DOCK4: variants seen among roughly 807,000 people sequenced by gnomAD.
The protein encoded by DOCK4 is dedicator of cytokinesis protein 4.
DOCK4 carries 97 observed loss-of-function variants against 268.1 expected under a neutral mutation model. The ratio of observed to expected loss-of-function variants is 0.36; its 90% confidence interval spans 0.31 to 0.43. DOCK4 has a LOEUF of 0.43. Among genes scored for constraint, DOCK4 ranks in the 20% least tolerant of loss-of-function variants. DOCK4 has a pLI of 1.00. For synonymous variants in DOCK4, 954 were observed against 887.2 expected (o/e 1.08, Z -1.34); for missense variants, 2,145 against 2,455.7 (o/e 0.87, Z 2.67).
At chr7:111,956,074 T>C (rs965747048) in intron 8 of DOCK4, among the ~76,000 whole-genome samples, 4 of 152,190 alleles carry the variant, frequency 2.6e-5, no homozygotes, top group African/African-American at 7.2e-5. Flanking sequence ...AAAGCCTCTA[T>C]GTAGGCAGAA....
At chr7:111,952,513 C>A (rs547707761) in intron 8 of DOCK4, among the ~76,000 whole-genome samples, 1 of 152,324 alleles carries the variant, frequency 6.6e-6, no homozygotes, top group African/African-American at 2.4e-5. Context: ...ATTGTTCTAT[C>A]TTTCTGCATG....
intron 51 of DOCK4, among the ~76,000 whole-genome samples, chr7:111,733,319 AG>A (rs1795237220): frequency 6.6e-6 from 1 of 152,162 alleles, no homozygotes; most frequent in Non-Finnish European, 1.5e-5. Context: ...TTAACTTGGG[AG>A]GGGTAAGGTC....
In DOCK4 at chr7:112,060,412, G is replaced by T. The variant is rs186525617; in HGVS notation, c.38-56281C>A. ...TAAAGTTCTCTAAAAATAGTATAATGGTTCCTCAAAAAATTAAAAATGGAA... is the reference window on the plus strand; with the variant it reads ...TAAAGTTCTCTAAAAATAGTATAATTGTTCCTCAAAAAATTAAAAATGGAA... On this transcript the variant is annotated intron_variant, in intron 1 of 52. Transcript: ENST00000428084. Among the ~76,000 whole-genome samples the T allele has an allele frequency of 2.7e-3, 416 of 152,182 alleles. 1 individual carries two copies. The highest frequency in any genetic ancestry group is 4.7e-3 in the Non-Finnish European group (322 of 68,006).
At chr7:111,959,637 A>C (rs1796710673) in intron 8 of DOCK4, among the ~76,000 whole-genome samples, 1 of 152,202 alleles carries the variant, frequency 6.6e-6, no homozygotes, top group Admixed American at 6.5e-5. Context: ...AATTCTCCCT[A>C]ACAGTTCTTT....
rs1054184690 is a variant in DOCK4 at position 111,728,243 on chromosome 7, A to G, written c.*31T>C. 4 of 1,431,816 alleles carry G rather than the reference A, an allele frequency of 2.8e-6. No homozygotes were observed. In the African/African-American group the frequency reaches 5.8e-5, roughly 21 times the overall value. 88.7% of individuals were successfully genotyped at this position (1,431,816 alleles called of 1,614,324 possible). A position where few individuals can be genotyped will look rare whatever the true frequency, so the allele number is the denominator to read the frequency against. ...TACTTCTTATTTTGTAAACGGGCAA[A>G]GAATGCATCGCAGGTACATAGAAAA... On this transcript the variant is annotated 3_prime_UTR_variant, in exon 53 of 53. Transcript: ENST00000428084.
intron 10 of DOCK4, among the ~76,000 whole-genome samples, chr7:111,944,057 T>C (rs1307266914): frequency 6.6e-6 from 1 of 152,206 alleles, no homozygotes; most frequent in African/African-American, 2.4e-5. Flanking sequence ...GTTACACCAG[T>C]CCTCATTTCA....
chr7:111,889,951 A>C (rs1808156942), intron 16 of DOCK4, among the ~76,000 whole-genome samples: 1 of 152,180 alleles, frequency 6.6e-6, no homozygotes, highest in Non-Finnish European at 1.5e-5. Context: ...GTTCTTGACA[A>C]TCAACAGTGA....
Position 112,095,560 on chromosome 7 carries a change from G to T in DOCK4, c.38-91429C>A, listed in dbSNP as rs559823118. ...AGTCTTCTTTCTCATAATTGTTGTGGTGATAACTCTATCAAAAAATGGTAT... is the reference window on the plus strand; with the variant it reads ...AGTCTTCTTTCTCATAATTGTTGTGTTGATAACTCTATCAAAAAATGGTAT... On this transcript the variant is annotated intron_variant, in intron 1 of 52. Coordinates refer to ENST00000428084, the MANE Select transcript of DOCK4 (RefSeq NM_001363540.2). Among the ~76,000 whole-genome samples the T allele has an allele frequency of 2.4e-4, 36 of 152,156 alleles. No individual in the cohort carries two copies. The South Asian group carries it at 3.1e-3, about 13-fold the overall frequency.
intron 23 of DOCK4, among the ~76,000 whole-genome samples, chr7:111,853,297 C>T (rs1016463976): frequency 3.9e-5 from 6 of 152,172 alleles, no homozygotes; most frequent in African/African-American, 1.4e-4. Flanking sequence ...CCGTTACATT[C>T]CACAAACTGG....
chr7:111,758,868 G>C, intron 40 of DOCK4, 78 bp from the exon 41 acceptor site: 1 of 1,349,950 alleles, frequency 7.4e-7, no homozygotes, highest in South Asian at 1.3e-5. Context: ...CTATGGCAGA[G>C]AGAAGAGGAT....
chr7:111,853,628 G>A (rs1457882276), intron 23 of DOCK4, among the ~76,000 whole-genome samples: 1 of 152,174 alleles, frequency 6.6e-6, no homozygotes, highest in East Asian at 1.9e-4. Flanking sequence ...GGATCACAGA[G>A]GAAAGCAACA....
intron 16 of DOCK4, among the ~76,000 whole-genome samples, chr7:111,880,882 AAACTTGCT>A (rs55841379): frequency 0.49 from 73,858 of 151,374 alleles, 20,578 homozygotes; most frequent in African/African-American, 0.78. Flanking sequence ...CAGAAGAATG[AAACTTGCT>A]AACTTGCTCC....
intron 8 of DOCK4, among the ~76,000 whole-genome samples, chr7:111,947,232 A>C (rs1432564540): frequency 6.6e-6 from 1 of 152,202 alleles, no homozygotes; most frequent in Middle Eastern, 3.2e-3. Flanking sequence ...TCATTCAAAT[A>C]CATATAAGAG....
In DOCK4 at chr7:111,868,723, A is replaced by T. The variant is rs1302925771; in HGVS notation, c.2110-569T>A. ...AAAATTCCGTCTAAAAAAAAAATTA[A>T]AAAAAAAAAAATTTTATCATTCTGG... On this transcript the variant is annotated intron_variant, in intron 21 of 52. Transcript: ENST00000428084. Among the ~76,000 whole-genome samples the T allele has an allele frequency of 4.8e-4, 71 of 147,046 alleles. No homozygotes were observed. The East Asian group carries it at 0.011, about 23-fold the overall frequency.
At chr7:112,115,033 C>T (rs950113125) in intron 1 of DOCK4, among the ~76,000 whole-genome samples, 2 of 152,194 alleles carry the variant, frequency 1.3e-5, no homozygotes, top group African/African-American at 4.8e-5. Context: ...TCTATCTATA[C>T]TGCAGACATT....
Position 111,944,787 on chromosome 7 carries a change from T to C in DOCK4, c.844+24A>G, listed in dbSNP as rs142881307. 1.0e-3 allele frequency: 1,629 copies of C among 1,608,648 alleles called. 2 individuals are homozygous for C. The highest frequency in any genetic ancestry group is 1.3e-3 in the Non-Finnish European group (1,549 of 1,175,062). ...TCTCCTCTCTGTTCCTTGCCCCTAC[T>C]GCACTGACAAGTGTTATACCTACCG... On this transcript the variant is annotated intron_variant, in intron 10 of 52. Transcript: ENST00000428084.
chr7:111,786,707 GA>G (rs1165904278), intron 32 of DOCK4, among the ~76,000 whole-genome samples: 4 of 152,158 alleles, frequency 2.6e-5, no homozygotes, highest in Non-Finnish European at 4.4e-5. Context: ...TAACAAATGA[GA>G]ATTTGTACCA....
intron 12 of DOCK4, among the ~76,000 whole-genome samples, chr7:111,924,026 C>A (rs544492232): frequency 6.6e-6 from 1 of 152,242 alleles, no homozygotes; most frequent in African/African-American, 2.4e-5. Context: ...TATACCAGTG[C>A]CTTGAGTAAC....
At chr7:111,950,056 A>G (rs1225279943) in intron 8 of DOCK4, among the ~76,000 whole-genome samples, 3 of 152,140 alleles carry the variant, frequency 2.0e-5, no homozygotes, top group Admixed American at 2.0e-4. Flanking sequence ...CCTCCAGAGT[A>G]GCTGGGACTA....
Sources: allele counts gnomAD v4.1 joint callset (sites outside exome capture counted in the v4.1 genomes callset), GRCh38; gene constraint gnomAD v4.1.1; transcripts MANE v1.5; gene names NCBI Gene and HGNC (gene_info 2026-07-23, HGNC 2026-07-21).